The following PLEKHN1 variants were observed in gnomAD, a reference collection of about 807,000 sequenced individuals.
PLEKHN1 encodes the protein pleckstrin homology domain containing N1, also known as pleckstrin homology domain-containing family N member 1.
A neutral mutation model predicts 72.8 loss-of-function variants in PLEKHN1; 68 were observed. The ratio of observed to expected loss-of-function variants is 0.93; its 90% CI spans 0.77 to 1.14. The LOEUF (loss-of-function observed/expected upper bound fraction) is 1.14. Ranked by LOEUF, PLEKHN1 falls within the 50% of genes most tolerant of loss-of-function variation. The pLI, the probability that PLEKHN1 is intolerant of heterozygous loss-of-function variation, is 0.00. For synonymous variants in PLEKHN1, 454 were observed against 371.6 expected (o/e 1.22, Z -2.55); for missense variants, 1,015 against 840.5 (o/e 1.21, Z -2.57).
chr1:967,121 G>A (rs35947417), intron 2 of PLEKHN1, among the ~76,000 whole-genome samples: 2 of 152,228 alleles, frequency 1.3e-5, no homozygotes, highest in Non-Finnish European at 2.9e-5. Context: ...GCTTGGGGTC[G>A]TGCCGGCAGG....
At position 970,595 on chromosome 1, in the gene PLEKHN1, A is replaced by G. The variant is rs774936254; in HGVS notation, c.405A>G (p.Thr135=). ...YFQAHGSEGL[T]FQGLLPLTEL... Reference sequence around the variant, plus strand: ...AGGCCCACGGCTCGGAAGGACTCACATTTCAGGTGAGGCGGTGGGCAATGG... The same window carrying G: ...AGGCCCACGGCTCGGAAGGACTCACGTTTCAGGTGAGGCGGTGGGCAATGG... The change falls in exon 4 of 16, where the codon ACA becomes ACG. Residue 135 remains threonine (T), a synonymous_variant. Coordinates refer to ENST00000379410, the MANE Select transcript of PLEKHN1 (RefSeq NM_032129.3). This position sits in a 1 kb window ranked among gnomAD's most constrained non-coding sequence, Gnocchi z 4.2. 18 of 1,612,260 alleles carry G rather than the reference A, an allele frequency of 1.1e-5. No individual in the cohort carries two copies. The Admixed American group carries it at 2.3e-4, about 21-fold the overall frequency.
At position 970,336 on chromosome 1, in the gene PLEKHN1, C is replaced by T. The variant is rs762939185; in HGVS notation, c.243C>T (p.Phe81=). The T allele has an allele frequency of 6.2e-7, 1 of 1,613,564 alleles. No individual in the cohort carries two copies. The highest frequency in any genetic ancestry group is 1.1e-5 in the South Asian group (1 of 91,084). Residue 81 remains phenylalanine (F), a synonymous_variant, in exon 3 of 16, where the codon TTC becomes TTT. Transcript: ENST00000379410. This position sits in a 1 kb window ranked among gnomAD's most constrained non-coding sequence, Gnocchi z 4.2. ...TGGAGCAGCCATTCCTGAGTGTGTT[C>T]AAGAAGGGGCGGCGGAGGGTGCCTG... is the stretch of plus-strand genomic sequence containing the variant. ...ENLEQPFLSV[F]KKGRRRVPVR...
chr1:973,466 C>T lies in PLEKHN1; in HGVS notation c.1294-34C>T, dbSNP rs138804109. 8.1e-4 allele frequency: 1,304 copies of T among 1,606,754 alleles called. 4 individuals are homozygous for T. In the African/African-American group the frequency reaches 0.011, roughly 13 times the overall value. On this transcript the variant is annotated intron_variant, in intron 12 of 15. Transcript: ENST00000379410. ...AGGGGTGGCCTAGGCTGTTTCTAGC[C>T]GAGAAGCCCATTTCTCCCACCTCTG...
intron 12 of PLEKHN1, 83 bp from the exon 13 acceptor site, chr1:973,417 A>G: frequency 1.3e-6 from 2 of 1,572,558 alleles, no homozygotes; most frequent in Admixed American, 3.5e-5. Context: ...TCCTGGAGCC[A>G]CCCAGAGGCC....
chr1:973,540 A>G lies in PLEKHN1; in HGVS notation c.1334A>G (p.Asp445Gly), dbSNP rs1643451421. The G allele has an allele frequency of 6.2e-7, 1 of 1,613,126 alleles. No individual in the cohort carries two copies. Among genetic ancestry groups the G allele is most frequent in the African/African-American group, 1.3e-5 (1 of 74,894 alleles). ...CTGGAGAGCAGCCCAGATGCCCCTG[A>G]CCACACTTCGGAAACATCACACTCG... ...LSLESSPDAP[D>G]HTSETSHSPL... Residue 445 changes from aspartate to glycine, a missense_variant, in exon 13 of 16, where the codon GAC becomes GGC. Coordinates refer to ENST00000379410, the MANE Select transcript of PLEKHN1 (RefSeq NM_032129.3).
Position 972,075 on chromosome 1 carries a change from G to T in PLEKHN1, c.790G>T (p.Gly264Trp). The T allele has an allele frequency of 1.2e-6, 2 of 1,612,688 alleles. No homozygotes were observed. Among genetic ancestry groups the T allele is most frequent in the Non-Finnish European group, 1.7e-6 (2 of 1,179,724 alleles). Residue 264 changes from glycine to tryptophan, a missense_variant and splice_region_variant, in exon 9 of 16, where the codon GGG becomes TGG. Coordinates refer to ENST00000379410, the MANE Select transcript of PLEKHN1 (RefSeq NM_032129.3). ...SEELDGLCFK[G>W]ELPLRAVHIN... ...CTGGCCCTCAATCTCTGCTCCGCAG[G>T]GGGAGCTCCCACTCCGTGCCGTCCA...
Position 975,209 on chromosome 1 carries a change from G to C in PLEKHN1, c.*634G>C, listed in dbSNP as rs1443805892. On this transcript the variant is annotated 3_prime_UTR_variant, in exon 16 of 16. Transcript: ENST00000379410. ...AGAAAAGGAAGAAAGAAAAAGAAAA[G>C]ATAGAATTTTATTGGTGCTGCATCC... is the stretch of plus-strand genomic sequence containing the variant. 6.6e-6 allele frequency: 1 copy of C among 152,580 alleles called. No homozygotes were observed. Among genetic ancestry groups the C allele is most frequent in the Non-Finnish European group, 1.5e-5 (1 of 68,346 alleles). The allele number at this position is 152,580 out of a possible 1,614,324, so 9.5% of individuals were successfully genotyped here.
rs774441222 is a variant in PLEKHN1 at position 970,239 on chromosome 1, C to A, written c.184-38C>A. Reference sequence around the variant, plus strand: ...ATGCGAGCGGAGGGGGTGGGGGGCCCAGGGGAGGCCCCCTCCCCTGAGCTC... The same window carrying A: ...ATGCGAGCGGAGGGGGTGGGGGGCCAAGGGGAGGCCCCCTCCCCTGAGCTC... On this transcript the variant is annotated intron_variant, in intron 2 of 15. Transcript: ENST00000379410. This position sits in a 1 kb window ranked among gnomAD's most constrained non-coding sequence, Gnocchi z 4.2. 2 of 1,603,260 alleles carry A rather than the reference C, an allele frequency of 1.2e-6. No homozygotes were observed. The highest frequency in any genetic ancestry group is 1.3e-5 in the African/African-American group (1 of 74,336).
Position 971,127 on chromosome 1 carries a change from G to A in PLEKHN1, c.627G>A (p.Arg209=), listed in dbSNP as rs371554805. 4.1e-4 allele frequency: 661 copies of A among 1,599,586 alleles called. No individual in the cohort carries two copies. The highest frequency in any genetic ancestry group is 5.5e-4 in the Non-Finnish European group (647 of 1,174,006). ...HSAPPQRRLT[R]LRTASGHEPG... Reference sequence around the variant, plus strand: ...GGACTTTGCAGCGCCGTCTAACCCGGCTGCGGACGGCGTCAGGGCACGAAC... The same window carrying A: ...GGACTTTGCAGCGCCGTCTAACCCGACTGCGGACGGCGTCAGGGCACGAAC... Residue 209 remains arginine (R), a synonymous_variant, in exon 7 of 16, where the codon CGG becomes CGA. Coordinates refer to ENST00000379410, the MANE Select transcript of PLEKHN1 (RefSeq NM_032129.3).
At chr1:973,125 C>G in intron 11 of PLEKHN1, 61 bp from the exon 12 acceptor site, 1 of 1,497,612 alleles carries the variant, frequency 6.7e-7, no homozygotes, top group Non-Finnish European at 9.0e-7. Context: ...CTTGCAGCCT[C>G]AGAGAGTTGC....
intron 2 of PLEKHN1, among the ~76,000 whole-genome samples, chr1:968,448 G>A (rs1643121043): frequency 6.6e-6 from 1 of 152,224 alleles, no homozygotes; most frequent in African/African-American, 2.4e-5. Flanking sequence ...TGTGTGCCAG[G>A]ATTGACTACA....
chr1:970,303 A>G lies in PLEKHN1; in HGVS notation c.210A>G (p.Arg70=), dbSNP rs1643238390. Reference sequence around the variant, plus strand: ...ACATCCTGGACCTGGAGAACCAGCGAGAAAACCTGGAGCAGCCATTCCTGA... The same window carrying G: ...ACATCCTGGACCTGGAGAACCAGCGGGAAAACCTGGAGCAGCCATTCCTGA... ...GTDILDLENQ[R]ENLEQPFLSV... The change falls in exon 3 of 16, where the codon CGA becomes CGG. Residue 70 remains arginine (R), a synonymous_variant. Transcript: ENST00000379410. The surrounding 1 kb of genome is among the most constrained non-coding windows in gnomAD (Gnocchi z 4.2). The G allele has an allele frequency of 6.2e-7, 1 of 1,613,194 alleles. No homozygotes were observed. The highest frequency in any genetic ancestry group is 8.5e-7 in the Non-Finnish European group (1 of 1,179,938).
At position 970,572 on chromosome 1, in the gene PLEKHN1, GC is replaced by G. The variant is rs866407554; in HGVS notation, c.385del (p.His129ThrfsTer14). 1 of 1,612,860 alleles carries G rather than the reference GC, an allele frequency of 6.2e-7. No homozygotes were observed. The highest frequency in any genetic ancestry group is 1.3e-5 in the African/African-American group (1 of 74,898). On this transcript the variant is annotated frameshift_variant, in exon 4 of 16. Transcript: ENST00000379410. LOFTEE classifies it high-confidence loss of function. The surrounding 1 kb of genome is among the most constrained non-coding windows in gnomAD (Gnocchi z 4.2). ...ELFPAHLYFQAHGSEGLTFQG... is the reference protein window; with the variant it reads ...ELFPAHLYFQXHGSEGLTFQG... ...ATTCCCCGCCCACCTGTACTTCCAGGCCCACGGCTCGGAAGGACTCACATTT... is the reference window on the plus strand; with the variant it reads ...ATTCCCCGCCCACCTGTACTTCCAGGCCACGGCTCGGAAGGACTCACATTT...
At chr1:966,841 G>A (rs746602142) in intron 2 of PLEKHN1, 38 bp downstream of exon 2, 78 of 1,523,576 alleles carry the variant, frequency 5.1e-5, no homozygotes, top group South Asian at 2.9e-4. Context: ...GTCTGGGAGC[G>A]TGGCTCTGCC....
Position 974,528 on chromosome 1 carries a change from C to G in PLEKHN1, c.1789C>G (p.Gln597Glu), listed in dbSNP as rs866006704. ...TLSSSHQKCP[Q>E]LGGPEASGGL... ...GTCTTCCTCCCACCAGAAGTGCCCC[C>G]AGCTTGGAGGGCCTGAGGCCAGTGG... The change falls in exon 16 of 16, where the codon CAG (glutamine) becomes GAG (glutamate). Residue 597 changes from glutamine (Q) to glutamate (E), a missense_variant. By Grantham distance (29) the Gln-to-Glu change is conservative (BLOSUM62 2). Transcript: ENST00000379410. 15 of 1,612,528 alleles carry G rather than the reference C, an allele frequency of 9.3e-6. No individual in the cohort carries two copies. Among genetic ancestry groups the G allele is most frequent in the Non-Finnish European group, 1.3e-5 (15 of 1,179,872 alleles).
chr1:967,588 C>T (rs562913599), intron 2 of PLEKHN1, among the ~76,000 whole-genome samples: 2 of 152,272 alleles, frequency 1.3e-5, no homozygotes, highest in South Asian at 4.1e-4. Flanking sequence ...GACGCCTGCC[C>T]TGCACTCCTG....
chr1:975,023 G>C lies in PLEKHN1; in HGVS notation c.*448G>C, dbSNP rs1053655358. ...AGCACAAGCCAGGGTGCCCCGAGGAGGAGGGTGGGTGGGTCCTTGTGTGGC... is the reference window on the plus strand; with the variant it reads ...AGCACAAGCCAGGGTGCCCCGAGGACGAGGGTGGGTGGGTCCTTGTGTGGC... On this transcript the variant is annotated 3_prime_UTR_variant, in exon 16 of 16. Transcript: ENST00000379410. 3.5e-5 allele frequency: 6 copies of C among 173,140 alleles called. No individual in the cohort carries two copies. The highest frequency in any genetic ancestry group is 7.4e-5 in the Non-Finnish European group (6 of 80,642). The allele number at this position is 173,140 out of a possible 1,614,324, so 10.7% of individuals were successfully genotyped here. A position where few individuals can be genotyped will look rare whatever the true frequency, so the allele number is the denominator to read the frequency against.
intron 7 of PLEKHN1, 27 bp from the exon 8 acceptor site, chr1:971,297 C>T (rs773400262): frequency 3.0e-5 from 46 of 1,557,262 alleles, no homozygotes; most frequent in African/African-American, 4.1e-5. Context: ...GTTCCCTCAT[C>T]GCCTGACCCC....
Position 966,680 on chromosome 1 carries a change from C to T in PLEKHN1, c.84-24C>T, listed in dbSNP as rs752924152. ...CCCCACCCGCTCCGGGGCCAAGCCA[C>T]GAGACCCCTTGCCTTGTCCCCAGAG... On this transcript the variant is annotated intron_variant, in intron 1 of 15. Coordinates refer to ENST00000379410, the MANE Select transcript of PLEKHN1 (RefSeq NM_032129.3). 62 of 1,578,804 alleles carry T rather than the reference C, an allele frequency of 3.9e-5. No homozygotes were observed. In the South Asian group the frequency reaches 6.3e-4, roughly 16 times the overall value.
Sources: allele counts gnomAD v4.1 joint callset (sites outside exome capture counted in the v4.1 genomes callset), GRCh38; gene constraint gnomAD v4.1.1; non-coding constraint Gnocchi (gnomAD v3.1); transcripts MANE v1.5; gene names NCBI Gene and HGNC (gene_info 2026-07-23, HGNC 2026-07-21).